Variants in DMD observed in about 807,000 individuals in gnomAD.
The protein encoded by DMD is mutant dystrophin.
A neutral mutation model predicts 330.1 loss-of-function variants in DMD; 63 were observed. The ratio of observed to expected loss-of-function variants is 0.19; its 90% CI spans 0.16 to 0.24. The LOEUF (loss-of-function observed/expected upper bound fraction) is 0.24, where lower values mean the gene tolerates loss of function less well. Ranked by LOEUF, DMD falls within the 10% of genes least tolerant of loss-of-function variation. DMD has a pLI of 1.00. For missense variants in DMD, 3,344 were observed against 2,684.1 expected (o/e 1.25, Z -5.43); for synonymous variants, 1,223 against 959.8 (o/e 1.27, Z -5.07).
At chrX:32,926,621 G>A (rs1031417778) in intron 2 of DMD, among the ~76,000 whole-genome samples, 2 of 109,116 alleles carry the variant, frequency 1.8e-5, no homozygotes, top group South Asian at 4.0e-4. Flanking sequence ...ATGTGGCGGC[G>A]TGAGGCTGTA....
At chrX:32,147,417 T>G (rs1884443247) in intron 44 of DMD, among the ~76,000 whole-genome samples, 1 of 111,983 alleles carries the variant, frequency 8.9e-6, no homozygotes, top group Admixed American at 9.5e-5. Context: ...ATTATATACT[T>G]TACTGATTGA....
At chrX:32,278,845 G>A (rs112898228) in intron 43 of DMD, among the ~76,000 whole-genome samples, 4,379 of 111,242 alleles carry the variant, frequency 0.039, 97 homozygotes, top group Non-Finnish European at 0.062. Flanking sequence ...AAGCTCCTCC[G>A]CAGTGAAACA....
At chrX:32,870,277 G>T (rs2082847188) in intron 2 of DMD, among the ~76,000 whole-genome samples, 1 of 111,476 alleles carries the variant, frequency 9.0e-6, no homozygotes, top group Non-Finnish European at 1.9e-5. Flanking sequence ...ACTGCTCAAG[G>T]AACTAAGAGG....
At chrX:31,425,665 C>T (rs1329223039) in intron 60 of DMD, among the ~76,000 whole-genome samples, 7 of 95,005 alleles carry the variant, frequency 7.4e-5, no homozygotes, top group African/African-American at 2.9e-4. Flanking sequence ...GAAACGTTTG[C>T]TTTTCCAAAC....
intron 64 of DMD, among the ~76,000 whole-genome samples, chrX:31,219,416 T>C (rs1335241742): frequency 1.8e-5 from 2 of 111,159 alleles, no homozygotes; most frequent in Non-Finnish European, 3.8e-5. Context: ...GCCCTCTCTC[T>C]TATTCTCCAC....
rs760815967 is a variant in DMD at position 32,343,305 on chromosome X, T to C, written c.5587-19A>G. ...TCAAATCCTGTTCATGGTGCAGACA[T>C]TATTAAAATATCAATATATATGTAT... is the stretch of plus-strand genomic sequence containing the variant. On this transcript the variant is annotated intron_variant, in intron 39 of 78. Coordinates refer to ENST00000357033, the MANE Select transcript of DMD (RefSeq NM_004006.3). 1 of 1,181,740 alleles carries C rather than the reference T, an allele frequency of 8.5e-7. No individual in the cohort carries two copies. The highest frequency in any genetic ancestry group is 1.1e-6 in the Non-Finnish European group (1 of 870,130).
intron 41 of DMD, among the ~76,000 whole-genome samples, chrX:32,339,820 A>T (rs1468089992): frequency 8.9e-6 from 1 of 112,273 alleles, no homozygotes; most frequent in Non-Finnish European, 1.9e-5. Flanking sequence ...CCTACAGTTT[A>T]TATCTAGAAA....
Position 31,479,011 on chromosome X carries a change from T to C in DMD, c.8640A>G (p.Gly2880=), listed in dbSNP as rs915859706. The stretch of plus-strand genomic sequence containing the variant: ...TGGGCTCCTGGTAGAGTTTCTCTAG[T>C]CCTTCCAAAGGCTGCTCTGTCAGAA... The part of the protein sequence containing the change: ...RIFLTEQPLE[G]LEKLYQEPRE... The change falls in exon 58 of 79, where the codon GGA becomes GGG. Residue 2880 remains glycine, a synonymous_variant. Coordinates refer to ENST00000357033, the MANE Select transcript of DMD (RefSeq NM_004006.3). 2.5e-6 allele frequency: 3 copies of C among 1,208,150 alleles called. No individual in the cohort carries two copies. The African/African-American group carries it at 5.3e-5, about 21-fold the overall frequency.
chrX:31,993,269 T>C (rs1052755113), intron 44 of DMD, among the ~76,000 whole-genome samples: 1 of 111,606 alleles, frequency 9.0e-6, no homozygotes, highest in Non-Finnish European at 1.9e-5. Context: ...TCTAGGAAAA[T>C]CTTATCAGTA....
At chrX:31,343,381 C>T (rs1048697924) in intron 61 of DMD, among the ~76,000 whole-genome samples, 39 of 110,940 alleles carry the variant, frequency 3.5e-4, no homozygotes, top group African/African-American at 5.6e-4. Flanking sequence ...TGTCTATCAG[C>T]GGAGAAGGGT....
At chrX:32,720,798 G>C (rs372474037) in intron 7 of DMD, among the ~76,000 whole-genome samples, 14 of 111,116 alleles carry the variant, frequency 1.3e-4, no homozygotes, top group Admixed American at 1.2e-3. Flanking sequence ...TTTTAAAAAA[G>C]GGTTAGCTGT....
At chrX:31,892,253 G>A (rs931140024) in intron 47 of DMD, among the ~76,000 whole-genome samples, 7 of 111,631 alleles carry the variant, frequency 6.3e-5, no homozygotes, top group Non-Finnish European at 1.3e-4. Flanking sequence ...TTAAAAAATG[G>A]AAACGATATG....
chrX:31,926,919 G>C (rs1233379057), intron 47 of DMD, among the ~76,000 whole-genome samples: 2 of 111,269 alleles, frequency 1.8e-5, no homozygotes, highest in Non-Finnish European at 3.8e-5. Context: ...GGTAGGGCTG[G>C]AGGACACAGG....
intron 47 of DMD, among the ~76,000 whole-genome samples, chrX:31,896,562 T>C (rs952096647): frequency 3.6e-5 from 4 of 112,023 alleles, no homozygotes; most frequent in Non-Finnish European, 7.5e-5. Flanking sequence ...TAATTTTATA[T>C]TTGTCCTGTT....
intron 55 of DMD, among the ~76,000 whole-genome samples, chrX:31,614,087 A>G (rs2078071508): frequency 8.9e-6 from 1 of 112,446 alleles, no homozygotes; most frequent in African/African-American, 3.2e-5. Flanking sequence ...CACTTTTTAA[A>G]ACTGCATTGC....
At chrX:32,403,148 G>GA (rs1453950271) in intron 30 of DMD, among the ~76,000 whole-genome samples, 1 of 111,910 alleles carries the variant, frequency 8.9e-6, no homozygotes, top group Non-Finnish European at 1.9e-5. Context: ...AACGCTGAAA[G>GA]AAAAATAAAA....
chrX:33,308,800 C>T (rs1475033569), intron 1 of DMD, among the ~76,000 whole-genome samples: 1 of 111,845 alleles, frequency 8.9e-6, no homozygotes, highest in East Asian at 2.8e-4. Flanking sequence ...TTAGATACTG[C>T]AAGACTATCA....
chrX:33,277,988 C>T (rs2053263444), intron 1 of DMD, among the ~76,000 whole-genome samples: 1 of 109,938 alleles, frequency 9.1e-6, no homozygotes, highest in South Asian at 4.0e-4. Context: ...GCCTGTAGTC[C>T]CAGCTATTCA....
intron 51 of DMD, among the ~76,000 whole-genome samples, chrX:31,742,028 T>C (rs1248088319): frequency 8.9e-6 from 1 of 112,251 alleles, no homozygotes; most frequent in Non-Finnish European, 1.9e-5. Flanking sequence ...TTAAGGCTCA[T>C]GAACATACTT....
Sources: gnomAD v4.1 joint callset for allele counts (sites outside exome capture counted in the v4.1 genomes callset) on GRCh38, gnomAD v4.1.1 for gene constraint, MANE v1.5 for transcripts, NCBI Gene and HGNC (gene_info 2026-07-23, HGNC 2026-07-21) for gene names.